TLR4: variants seen among roughly 807,000 people sequenced by gnomAD.
TLR4 encodes toll like receptor 4, also known as toll-like receptor 4.
Under a neutral mutation model 27.4 loss-of-function variants are expected in TLR4, and 17 were observed. The ratio of observed to expected loss-of-function variants is 0.62; its 90% CI spans 0.42 to 0.93. The LOEUF (loss-of-function observed/expected upper bound fraction) is 0.93. Among genes scored for constraint, TLR4 ranks in the 40% least tolerant of loss-of-function variants. TLR4 has a pLI of 0.00. For missense variants in TLR4, 926 were observed against 962.3 expected (o/e 0.96, Z 0.50); for synonymous variants, 363 against 365.7 (o/e 0.99, Z 0.08).
rs1281769845 is a variant in TLR4, at chr9:117,715,877, C to T, written c.*1229C>T. 6.6e-6 allele frequency: 1 copy of T among 152,064 alleles called. No individual in the cohort carries two copies. The highest frequency in any genetic ancestry group is 2.4e-5 in the African/African-American group (1 of 41,392). 9.4% of individuals were successfully genotyped at this position (152,064 alleles called of 1,614,324 possible). On this transcript the variant is annotated 3_prime_UTR_variant, in exon 3 of 3. Transcript: ENST00000355622. ...AGAGTGGATGTTATCATTGAGAAAA[C>T]AATGTGTCTGGAATTAATGGGGTTC...
At chr9:117,706,811 T>G (rs1307201483) in intron 1 of TLR4, among the ~76,000 whole-genome samples, 1 of 152,226 alleles carries the variant, frequency 6.6e-6, no homozygotes, top group Non-Finnish European at 1.5e-5. Context: ...TTATGGCCCC[T>G]TGAGATAGTG....
At position 117,717,748 on chromosome 9, in the gene TLR4, A is replaced by C. The variant is rs1829375700; in HGVS notation, c.*3100A>C. ...CAAGCAAATGTACAAGGCTCTGAGA[A>C]GGAAGATCAACATACAACTTGGAAT... is the stretch of plus-strand genomic sequence containing the variant. On this transcript the variant is annotated 3_prime_UTR_variant, in exon 3 of 3. Coordinates refer to ENST00000355622, the MANE Select transcript of TLR4 (RefSeq NM_138554.5). 1.3e-5 allele frequency: 2 copies of C among 152,210 alleles called. No individual in the cohort carries two copies. The highest frequency in any genetic ancestry group is 4.8e-5 in the African/African-American group (2 of 41,452). 9.4% of individuals were successfully genotyped at this position (152,210 alleles called of 1,614,324 possible).
intron 1 of TLR4, among the ~76,000 whole-genome samples, chr9:117,707,817 A>C (rs1046215284): frequency 6.6e-6 from 1 of 152,242 alleles, no homozygotes; most frequent in Non-Finnish European, 1.5e-5. Flanking sequence ...TGACTAAGGA[A>C]GGTCTGGACA....
intron 1 of TLR4, 79 bp downstream of exon 1, chr9:117,704,644 A>T (rs2131160227): frequency 5.2e-6 from 6 of 1,150,414 alleles, no homozygotes; most frequent in Admixed American, 2.4e-5. Flanking sequence ...TGGTTTGTTT[A>T]TTTTTGCAAA....
chr9:117,709,748 C>T (rs2737197), intron 2 of TLR4, among the ~76,000 whole-genome samples: 145,767 of 152,180 alleles, frequency 0.96, 70,131 homozygotes, highest in East Asian at 1. Flanking sequence ...AGTGAGCATA[C>T]GACCTATTAT....
Position 117,722,197 on chromosome 9 carries a change from T to G in TLR4, c.*7549T>G, listed in dbSNP as rs565316006. On this transcript the variant is annotated 3_prime_UTR_variant, in exon 3 of 3. Transcript: ENST00000355622. ...AAAATTTAACTCCACTTTTGCTAAGTATTCATCTTGCCTTGAGTACTAAGA... is the reference window on the plus strand; with the variant it reads ...AAAATTTAACTCCACTTTTGCTAAGGATTCATCTTGCCTTGAGTACTAAGA... 4.6e-5 allele frequency: 7 copies of G among 152,358 alleles called. No homozygotes were observed. In the South Asian group the frequency reaches 1.5e-3, roughly 32 times the overall value. The allele number at this position is 152,358 out of a possible 1,614,324, so 9.4% of individuals were successfully genotyped here. A position where few individuals can be genotyped will look rare whatever the true frequency, so the allele number is the denominator to read the frequency against.
In TLR4 at chr9:117,713,754, T is replaced by C. The variant is rs1397582449; in HGVS notation, c.1626T>C (p.Cys542=). The C allele has an allele frequency of 2.5e-6, 4 of 1,614,026 alleles. No homozygotes were observed. The highest frequency in any genetic ancestry group is 1.6e-4 in the Middle Eastern group (1 of 6,062). Residue 542 remains cysteine (C), a synonymous_variant, in exon 3 of 3, where the codon TGT becomes TGC. Coordinates refer to ENST00000355622, the MANE Select transcript of TLR4 (RefSeq NM_138554.5). ...FFSLDTFPYK[C]LNSLQVLDYS... is the part of the protein sequence containing the mutation. ...CATTGGATACGTTTCCTTATAAGTG[T>C]CTGAACTCCCTCCAGGTTCTTGATT...
At chr9:117,710,526 G>A (rs1332535609) in intron 2 of TLR4, among the ~76,000 whole-genome samples, 2 of 151,014 alleles carry the variant, frequency 1.3e-5, no homozygotes, top group African/African-American at 4.9e-5. Flanking sequence ...CAATCCACTG[G>A]ATACCCAATA....
Position 117,704,583 on chromosome 9 carries a change from G to T in TLR4, c.93+18G>T. ...GCGTGGAGGTATGTGGCTGGAGTCA[G>T]CTCCTCTGAACTTTCCCTCACTTCT... On this transcript the variant is annotated intron_variant, in intron 1 of 2. Coordinates refer to ENST00000355622, the MANE Select transcript of TLR4 (RefSeq NM_138554.5). 6.2e-7 allele frequency: 1 copy of T among 1,610,356 alleles called. No individual in the cohort carries two copies. Among genetic ancestry groups the T allele is most frequent in the Non-Finnish European group, 8.5e-7 (1 of 1,177,044 alleles).
chr9:117,708,344 T>C (rs1588092531), intron 1 of TLR4: 1 of 1,364,760 alleles, frequency 7.3e-7, no homozygotes, highest in South Asian at 1.5e-5. Context: ...ACGTAGTAGG[T>C]GCTCTTTACT....
At chr9:117,708,433 G>A in intron 1 of TLR4, 130 bp from the exon 2 acceptor site, 1 of 1,568,212 alleles carries the variant, frequency 6.4e-7, no homozygotes, top group Admixed American at 1.8e-5. Context: ...AGGATGGACA[G>A]ATGGATGAAA....
intron 1 of TLR4, among the ~76,000 whole-genome samples, chr9:117,706,427 G>A (rs554563060): frequency 6.6e-6 from 1 of 152,112 alleles, no homozygotes; most frequent in Non-Finnish European, 1.5e-5. Context: ...CGGTAAGGAG[G>A]CAGGATCATT....
rs1829419940 is a variant in TLR4, at chr9:117,721,269, A to G, written c.*6621A>G. 6.6e-6 allele frequency: 1 copy of G among 152,100 alleles called. No individual in the cohort carries two copies. Among genetic ancestry groups the G allele is most frequent in the Non-Finnish European group, 1.5e-5 (1 of 68,022 alleles). 9.4% of individuals were successfully genotyped at this position (152,100 alleles called of 1,614,324 possible). On this transcript the variant is annotated 3_prime_UTR_variant, in exon 3 of 3. Transcript: ENST00000355622. Reference sequence around the variant, plus strand: ...CTGAGTCCTCAATGTCTGTTATTTCATTCTCCATGTCCATGTCTACAAATT... The same window carrying G: ...CTGAGTCCTCAATGTCTGTTATTTCGTTCTCCATGTCCATGTCTACAAATT...
Position 117,714,633 on chromosome 9 carries a change from A to G in TLR4, c.2505A>G (p.Glu835=). The G allele has an allele frequency of 6.2e-7, 1 of 1,613,024 alleles. No individual in the cohort carries two copies. Among genetic ancestry groups the G allele is most frequent in the Middle Eastern group, 1.9e-4 (1 of 5,314 alleles). ...GTVGTGCNWQ[E]ATSI is the part of the protein sequence containing the mutation. ...TGGGTACAGGATGCAATTGGCAGGAAGCAACATCTATCTGAAGAGGAAAAA... is the reference window on the plus strand; with the variant it reads ...TGGGTACAGGATGCAATTGGCAGGAGGCAACATCTATCTGAAGAGGAAAAA... Residue 835 remains glutamate, a synonymous_variant, in exon 3 of 3, where the codon GAA becomes GAG. Transcript: ENST00000355622.
In TLR4 at chr9:117,704,520, C is replaced by T; in HGVS notation, c.48C>T (p.Ala16=). The change falls in exon 1 of 3, where the codon GCC becomes GCT. Residue 16 remains alanine (A), a synonymous_variant. Transcript: ENST00000355622. ...CTGGGACTCTGATCCCAGCCATGGC[C>T]TTCCTCTCCTGCGTGAGACCAGAAA... ...RLAGTLIPAM[A]FLSCVRPESW... 6.2e-7 allele frequency: 1 copy of T among 1,613,936 alleles called. No individual in the cohort carries two copies. Among genetic ancestry groups the T allele is most frequent in the Non-Finnish European group, 8.5e-7 (1 of 1,179,966 alleles).
Position 117,714,587 on chromosome 9 carries a change from C to A in TLR4, c.2459C>A (p.Ser820Ter). ...AGAAAAGCCCTGCTGGATGGTAAAT[C>A]ATGGAATCCAGAAGGAACAGTGGGT... ...RLRKALLDGK[S>*]WNPEGTVGTG... Residue 820 changes from serine (S) to a stop codon, truncating the protein, a stop_gained, in exon 3 of 3, where the codon TCA becomes TAA. Coordinates refer to ENST00000355622, the MANE Select transcript of TLR4 (RefSeq NM_138554.5). LOFTEE classifies it low-confidence loss of function (END_TRUNC). 6.2e-7 allele frequency: 1 copy of A among 1,613,738 alleles called. No individual in the cohort carries two copies. Among genetic ancestry groups the A allele is most frequent in the Non-Finnish European group, 8.5e-7 (1 of 1,179,972 alleles).
At position 117,710,312 on chromosome 9, in the gene TLR4, C is replaced by T. The variant is rs1829209833; in HGVS notation, c.260+1583C>T. On this transcript the variant is annotated intron_variant, in intron 2 of 2. Transcript: ENST00000355622. ...GGATCCTACTTATAAAGTGAGAACTCATGGTATTTGGCTTTCTGTTCCTTT... is the reference window on the plus strand; with the variant it reads ...GGATCCTACTTATAAAGTGAGAACTTATGGTATTTGGCTTTCTGTTCCTTT... 2.0e-5 allele frequency among the ~76,000 whole-genome samples: 3 copies of T among 147,180 alleles called. No homozygotes were observed. The South Asian group carries it at 6.8e-4, about 33-fold the overall frequency.
At position 117,714,133 on chromosome 9, in the gene TLR4, A is replaced by G; in HGVS notation, c.2005A>G (p.Arg669Gly). 3.1e-6 allele frequency: 5 copies of G among 1,614,098 alleles called. No homozygotes were observed. The highest frequency in any genetic ancestry group is 4.2e-6 in the Non-Finnish European group (5 of 1,180,012). The change falls in exon 3 of 3, where the codon AGA becomes GGA. Residue 669 changes from arginine to glycine, a missense_variant. Transcript: ENST00000355622. ...TCTTGCTGGCTGCATAAAGTATGGT[A>G]GAGGTGAAAACATCTATGATGCCTT... ...MLLAGCIKYG[R>G]GENIYDAFVI...
At chr9:117,707,723 T>G (rs1453688075) in intron 1 of TLR4, among the ~76,000 whole-genome samples, 1 of 152,188 alleles carries the variant, frequency 6.6e-6, no homozygotes, top group Non-Finnish European at 1.5e-5. Context: ...CCATGCACTC[T>G]AAAGATTTCC....
Sources: gnomAD v4.1 joint callset for allele counts (sites outside exome capture counted in the v4.1 genomes callset) on GRCh38, gnomAD v4.1.1 for gene constraint, MANE v1.5 for transcripts, NCBI Gene and HGNC (gene_info 2026-07-23, HGNC 2026-07-21) for gene names.